Variants in PLXNC1 observed in about 807,000 individuals in gnomAD.
The protein encoded by PLXNC1 is plexin-C1.
In PLXNC1, 75 loss-of-function variants were observed where a neutral mutation model predicts 178.2. The observed-to-expected ratio is 0.42, with a 90% CI of 0.35 to 0.51. The LOEUF (loss-of-function observed/expected upper bound fraction) is 0.51. Ranked by LOEUF, PLXNC1 falls within the 20% of genes least tolerant of loss-of-function variation. The probability of loss-of-function intolerance (pLI) is 0.02; values close to 1 mark genes in which losing one functional copy is unlikely to be tolerated. For missense variants in PLXNC1, 1,503 were observed against 1,984.4 expected, an observed-to-expected ratio of 0.76 and a Z score of 4.61; for synonymous variants, 790 against 779.9, an observed-to-expected ratio of 1.01 and a Z score of -0.22.
intron 23 of PLXNC1, among the ~76,000 whole-genome samples, chr12:94,293,275 G>A (rs897255297): frequency 2.6e-5 from 4 of 152,088 alleles, no homozygotes; most frequent in African/African-American, 7.2e-5. Context: ...ATTACAAATC[G>A]CTCCCTATCA....
At chr12:94,161,007 G>A (rs575483667) in intron 1 of PLXNC1, among the ~76,000 whole-genome samples, 2 of 152,238 alleles carry the variant, frequency 1.3e-5, no homozygotes, top group East Asian at 1.9e-4. Context: ...AAAGTCACAG[G>A]TTCAGTAAAT....
At chr12:94,205,264 A>G (rs187040478) in intron 4 of PLXNC1, among the ~76,000 whole-genome samples, 2 of 152,356 alleles carry the variant, frequency 1.3e-5, no homozygotes, top group Non-Finnish European at 1.5e-5. Flanking sequence ...TTAAAAAAAT[A>G]GAAATGCTGT....
intron 21 of PLXNC1, chr12:94,277,938 TTG>T (rs1448000510): frequency 8.8e-6 from 4 of 456,050 alleles, no homozygotes; most frequent in South Asian, 6.2e-5. Flanking sequence ...TCCATATGAT[TTG>T]TGTTTTCATC....
intron 5 of PLXNC1, among the ~76,000 whole-genome samples, chr12:94,211,860 C>G (rs956755107): frequency 1.3e-5 from 2 of 152,158 alleles, no homozygotes; most frequent in African/African-American, 2.4e-5. Flanking sequence ...GTATATATGT[C>G]TCTATATGAT....
chr12:94,153,266 T>C (rs915218289), intron 1 of PLXNC1, among the ~76,000 whole-genome samples: 2 of 152,246 alleles, frequency 1.3e-5, no homozygotes, highest in Non-Finnish European at 2.9e-5. Flanking sequence ...TTTCTCGAAC[T>C]TTCCCTTGAA....
intron 21 of PLXNC1, among the ~76,000 whole-genome samples, chr12:94,275,946 G>A (rs937385429): frequency 1.8e-4 from 27 of 150,918 alleles, no homozygotes; most frequent in African/African-American, 6.6e-4. Context: ...ATTTATGTCT[G>A]AATTTACTCT....
rs957961101 is a variant in PLXNC1, at chr12:94,231,258, G to A, written c.1980+4023G>A. Among the ~76,000 whole-genome samples the A allele has an allele frequency of 3.9e-5, 6 of 152,248 alleles. No individual in the cohort carries two copies. The East Asian group carries it at 5.8e-4, about 15-fold the overall frequency. On this transcript the variant is annotated intron_variant, in intron 9 of 30. Coordinates refer to ENST00000258526, the MANE Select transcript of PLXNC1 (RefSeq NM_005761.3). ...GAGAAGCATCCAGACACATGAATGCGGGTATTTGAAGCAGAGGAACCAGCA... is the reference window on the plus strand; with the variant it reads ...GAGAAGCATCCAGACACATGAATGCAGGTATTTGAAGCAGAGGAACCAGCA...
chr12:94,178,591 G>A (rs1205682901), intron 2 of PLXNC1, among the ~76,000 whole-genome samples: 1 of 152,200 alleles, frequency 6.6e-6, no homozygotes, highest in Non-Finnish European at 1.5e-5. Context: ...CCATACCTTG[G>A]TCAGTGCCTG....
chr12:94,172,097 G>T (rs928429688), intron 2 of PLXNC1, among the ~76,000 whole-genome samples: 2 of 152,222 alleles, frequency 1.3e-5, no homozygotes, highest in African/African-American at 4.8e-5. Context: ...GCCAAGGCTT[G>T]TCACCAGAAC....
chr12:94,260,753 G>A lies in PLXNC1; in HGVS notation c.3363G>A (p.Gln1121=). The A allele has an allele frequency of 6.2e-7, 1 of 1,614,192 alleles. No individual in the cohort carries two copies. The highest frequency in any genetic ancestry group is 1.1e-5 in the South Asian group (1 of 91,086). Reference sequence around the variant, plus strand: ...TGATGGAACAGTGTAGTAACATGCAGCCGAAACTCATGCTGAGACGCACGG... The same window carrying A: ...TGATGGAACAGTGTAGTAACATGCAACCGAAACTCATGCTGAGACGCACGG... ...RDLMEQCSNM[Q]PKLMLRRTES... Residue 1121 remains glutamine, a synonymous_variant, in exon 20 of 31, where the codon CAG becomes CAA. Transcript: ENST00000258526. The surrounding 1 kb of genome is among the most constrained non-coding windows in gnomAD (Gnocchi z 4.4).
At chr12:94,301,404 A>G (rs931887435) in intron 28 of PLXNC1, among the ~76,000 whole-genome samples, 2 of 152,200 alleles carry the variant, frequency 1.3e-5, no homozygotes, top group Non-Finnish European at 1.5e-5. Flanking sequence ...AATCAATTCT[A>G]TTTGAATATA....
At chr12:94,255,086 C>T (rs757631681) in intron 16 of PLXNC1, 107 bp from the exon 17 acceptor site, 5 of 990,612 alleles carry the variant, frequency 5.0e-6, no homozygotes, top group Non-Finnish European at 7.8e-6. Context: ...TCTATTGTTT[C>T]TTCTTTAATG....
chr12:94,181,666 T>C (rs1962311249), intron 3 of PLXNC1, 86 bp downstream of exon 3: 1 of 1,202,916 alleles, frequency 8.3e-7, no homozygotes, highest in Non-Finnish European at 1.2e-6. Context: ...AGCTTTTACT[T>C]TGAACTACAG....
chr12:94,250,058 C>CT (rs2136066630), intron 14 of PLXNC1, among the ~76,000 whole-genome samples: 1 of 152,062 alleles, frequency 6.6e-6, no homozygotes, highest in East Asian at 1.9e-4. Flanking sequence ...AAGCCATGGG[C>CT]TATCTGGGGT....
chr12:94,164,149 G>A (rs902993605), intron 1 of PLXNC1, among the ~76,000 whole-genome samples: 4 of 152,142 alleles, frequency 2.6e-5, no homozygotes, highest in East Asian at 1.9e-4. Flanking sequence ...TGGCAAGTGG[G>A]CCCCTTGGGA....
At position 94,149,728 on chromosome 12, in the gene PLXNC1, T is replaced by C. The variant is rs1161711652; in HGVS notation, c.757T>C (p.Tyr253His). 6.2e-7 allele frequency: 1 copy of C among 1,612,200 alleles called. No individual in the cohort carries two copies. The highest frequency in any genetic ancestry group is 1.7e-4 in the Middle Eastern group (1 of 6,052). Residue 253 changes from tyrosine (Y) to histidine (H), a missense_variant, in exon 1 of 31, where the codon TAC becomes CAC. Transcript: ENST00000258526. ...CTACTTCCCCTACTACCCCTACAAC[T>C]ACACGAGCGGCGCTGCCACCGGCTG... ...SIYFPYYPYN[Y>H]TSGAATGWPS...
intron 21 of PLXNC1, chr12:94,277,837 T>C: frequency 2.4e-6 from 1 of 417,902 alleles, no homozygotes; most frequent in South Asian, 1.7e-5. Flanking sequence ...CTTGAATGCA[T>C]GATCACATTT....
intron 2 of PLXNC1, among the ~76,000 whole-genome samples, chr12:94,177,517 G>A (rs1962141773): frequency 8.6e-6 from 1 of 116,548 alleles, no homozygotes; most frequent in Non-Finnish European, 1.8e-5. Flanking sequence ...GAAAGAAAGA[G>A]AGAGAGAGGG....
Position 94,282,326 on chromosome 12 carries a change from A to T in PLXNC1, c.3804A>T (p.Glu1268Asp). ...TTCAAATGGGCACACGACAGAAAGA[A>T]CTTCTGGACATCGACAGTTCCTCCG... ...LELQMGTRQK[E>D]LLDIDSSSVI... Residue 1268 changes from glutamate to aspartate, a missense_variant, in exon 23 of 31, where the codon GAA (glutamate) becomes GAT (aspartate). Transcript: ENST00000258526. 6.2e-7 allele frequency: 1 copy of T among 1,614,000 alleles called. No individual in the cohort carries two copies. Among genetic ancestry groups the T allele is most frequent in the Non-Finnish European group, 8.5e-7 (1 of 1,179,838 alleles).
Sources: gnomAD v4.1 joint callset for allele counts (sites outside exome capture counted in the v4.1 genomes callset) on GRCh38, gnomAD v4.1.1 for gene constraint, Gnocchi (gnomAD v3.1) non-coding constraint, MANE v1.5 for transcripts, NCBI Gene and HGNC (gene_info 2026-07-23, HGNC 2026-07-21) for gene names.